Variants in ATRNL1 observed in about 807,000 individuals in gnomAD.
The protein encoded by ATRNL1 is attractin like 1, also known as attractin-like protein 1.
In ATRNL1, 95 loss-of-function variants were observed where a neutral mutation model predicts 182.7. The observed-to-expected ratio is 0.52, with a 90% CI of 0.44 to 0.62. The LOEUF is 0.62. ATRNL1 is among the 20% of genes least tolerant of loss of function. ATRNL1 has a pLI of 0.00. For synonymous variants in ATRNL1, 576 were observed against 568.3 expected (o/e 1.01, Z -0.19); for missense variants, 1,471 against 1,679.5 (o/e 0.88, Z 2.17).
chr10:115,507,826 G>A (rs1215064939), intron 24 of ATRNL1, among the ~76,000 whole-genome samples: 1 of 152,012 alleles, frequency 6.6e-6, no homozygotes, highest in Non-Finnish European at 1.5e-5. Flanking sequence ...GGTAGGCAAT[G>A]ATTCTAGAAT....
intron 9 of ATRNL1, among the ~76,000 whole-genome samples, chr10:115,222,119 A>T (rs1413966476): frequency 6.6e-6 from 1 of 152,006 alleles, no homozygotes; most frequent in Non-Finnish European, 1.5e-5. Context: ...CTGGATACTC[A>T]TACTTATGAA....
In ATRNL1 at chr10:115,737,278, C is replaced by CA. The variant is rs1565333769; in HGVS notation, c.3903+9923_3903+9924insA. Among the ~76,000 whole-genome samples, 230 of 149,436 alleles carry CA rather than the reference C, an allele frequency of 1.5e-3. 11 individuals are homozygous for CA. In the South Asian group the frequency reaches 0.048, roughly 31 times the overall value. On this transcript the variant is annotated intron_variant, in intron 27 of 28. Transcript: ENST00000355044. ...CTGTCTCTACAAAACATCCCCCCCCCCCAAAAAAAAAGGCTGGGCATGGTG... is the reference window on the plus strand; with the variant it reads ...CTGTCTCTACAAAACATCCCCCCCCCACCAAAAAAAAAGGCTGGGCATGGTG...
chr10:115,933,821 C>A (rs1953475812), intron 28 of ATRNL1, among the ~76,000 whole-genome samples: 2 of 152,172 alleles, frequency 1.3e-5, no homozygotes, highest in South Asian at 4.1e-4. Flanking sequence ...TTTCTCCTAC[C>A]TCTCTTCATT....
At position 115,272,565 on chromosome 10, in the gene ATRNL1, G is replaced by A. The variant is rs149247680; in HGVS notation, c.2100+4121G>A. On this transcript the variant is annotated intron_variant, in intron 13 of 28. Transcript: ENST00000355044. ...TCACAGGAATAGGAAGAAAAATTTC[G>A]CTAATGAATTACTAAGGGCAGTAGT... Among the ~76,000 whole-genome samples the A allele has an allele frequency of 1.9e-3, 283 of 152,244 alleles. 6 individuals carry two copies. The East Asian group carries it at 0.048, about 26-fold the overall frequency.
chr10:115,463,682 C>T (rs1247632017), intron 22 of ATRNL1, among the ~76,000 whole-genome samples: 1 of 152,006 alleles, frequency 6.6e-6, no homozygotes, highest in African/African-American at 2.4e-5. Context: ...CTCTGCAGCC[C>T]CTGGTATCTT....
chr10:115,293,078 G>A (rs1852997301), intron 15 of ATRNL1, among the ~76,000 whole-genome samples: 1 of 151,922 alleles, frequency 6.6e-6, no homozygotes, highest in Admixed American at 6.5e-5. Context: ...GTCTCTTACT[G>A]AATTAATCCC....
At chr10:115,579,883 T>C (rs985691270) in intron 26 of ATRNL1, among the ~76,000 whole-genome samples, 6 of 152,026 alleles carry the variant, frequency 3.9e-5, no homozygotes, top group Non-Finnish European at 8.8e-5. Context: ...GTGTAACTTG[T>C]ATAGGTATTT....
intron 26 of ATRNL1, among the ~76,000 whole-genome samples, chr10:115,693,636 A>G (rs1342624611): frequency 1.3e-5 from 2 of 152,138 alleles, no homozygotes; most frequent in Non-Finnish European, 2.9e-5. Context: ...AGGATAGCCT[A>G]CTACACAACT....
intron 26 of ATRNL1, among the ~76,000 whole-genome samples, chr10:115,693,361 A>G (rs1313604459): frequency 6.6e-6 from 1 of 152,164 alleles, no homozygotes; most frequent in African/African-American, 2.4e-5. Context: ...GCTGAGATTT[A>G]GCAGAGGTAT....
At chr10:115,756,405 C>T (rs182134388) in intron 27 of ATRNL1, among the ~76,000 whole-genome samples, 1 of 152,126 alleles carries the variant, frequency 6.6e-6, no homozygotes, top group Non-Finnish European at 1.5e-5. Flanking sequence ...TTATTTCTGC[C>T]TTAATTTCAT....
chr10:115,871,468 T>C (rs1406852463), intron 28 of ATRNL1, among the ~76,000 whole-genome samples: 2 of 18,394 alleles, frequency 1.1e-4, no homozygotes, highest in African/African-American at 1.5e-4. Context: ...GGTCAGATTC[T>C]TTGTGTGTGT....
At chr10:115,190,843 A>G (rs1039135451) in intron 8 of ATRNL1, among the ~76,000 whole-genome samples, 4 of 152,094 alleles carry the variant, frequency 2.6e-5, no homozygotes, top group African/African-American at 4.8e-5. Context: ...TTTTGTACCC[A>G]TTAACCAGCC....
At chr10:115,584,358 G>A (rs369111762) in intron 26 of ATRNL1, among the ~76,000 whole-genome samples, 1 of 127,156 alleles carries the variant, frequency 7.9e-6, no homozygotes, top group Non-Finnish European at 1.7e-5. Context: ...GGTAGAATTC[G>A]GCTGTGAATC....
At chr10:115,759,841 A>ATTTTTTTTTT (rs58578796) in intron 27 of ATRNL1, among the ~76,000 whole-genome samples, 185 of 62,684 alleles carry the variant, frequency 3.0e-3, no homozygotes, top group African/African-American at 6.5e-3. Flanking sequence ...ACACCTGGCT[A>ATTTTTTTTTT]TTTTTTTTTT....
At chr10:115,699,238 A>G in intron 26 of ATRNL1, among the ~76,000 whole-genome samples, 1 of 152,252 alleles carries the variant, frequency 6.6e-6, no homozygotes, top group South Asian at 2.1e-4. Flanking sequence ...TGATCTATAG[A>G]TTTAATAAAA....
At chr10:115,138,346 G>A (rs569345707) in intron 5 of ATRNL1, among the ~76,000 whole-genome samples, 8 of 152,362 alleles carry the variant, frequency 5.3e-5, no homozygotes, top group South Asian at 2.1e-4. Context: ...GGGACTCTGT[G>A]TGGGGGTCCA....
intron 26 of ATRNL1, among the ~76,000 whole-genome samples, chr10:115,593,891 C>A (rs1856066123): frequency 6.6e-6 from 1 of 151,980 alleles, no homozygotes; most frequent in Non-Finnish European, 1.5e-5. Context: ...ATTTTTTCTA[C>A]AGGTAGTATA....
chr10:115,271,965 G>A (rs1300412687), intron 13 of ATRNL1, among the ~76,000 whole-genome samples: 1 of 152,142 alleles, frequency 6.6e-6, no homozygotes, highest in African/African-American at 2.4e-5. Flanking sequence ...TTGTTGATAC[G>A]TGAGCTCTTG....
intron 28 of ATRNL1, among the ~76,000 whole-genome samples, chr10:115,930,869 C>T (rs1270561216): frequency 6.6e-6 from 1 of 152,144 alleles, no homozygotes; most frequent in Non-Finnish European, 1.5e-5. Context: ...AGTATTTTTA[C>T]TTCTCCATCT....
Sources: gnomAD v4.1 joint callset for allele counts (sites outside exome capture counted in the v4.1 genomes callset) on GRCh38, gnomAD v4.1.1 for gene constraint, MANE v1.5 for transcripts, NCBI Gene and HGNC (gene_info 2026-07-23, HGNC 2026-07-21) for gene names.